ASCC3: variants seen among roughly 807,000 people sequenced by gnomAD.
The protein encoded by ASCC3 is ASC-1 complex subunit P200.
ASCC3 carries 158 observed loss-of-function variants against 256.3 expected under a neutral mutation model. The observed-to-expected ratio is 0.62, with a 90% CI of 0.54 to 0.70. The LOEUF (loss-of-function observed/expected upper bound fraction) is 0.70, where lower values mean the gene tolerates loss of function less well. Among genes scored for constraint, ASCC3 ranks in the 30% least tolerant of loss-of-function variants. The pLI is 0.00. For missense variants in ASCC3, 2,259 were observed against 2,626.0 expected (o/e 0.86, Z 3.05); for synonymous variants, 948 against 883.4 (o/e 1.07, Z -1.30).
At chr6:100,856,805 C>T (rs1261004864) in intron 3 of ASCC3, 1 of 152,138 alleles carries the variant, frequency 6.6e-6, no homozygotes, top group African/African-American at 2.4e-5. Flanking sequence ...TCCGTTACTG[C>T]TATAAGGCAG....
chr6:100,649,869 G>A (rs1378326005), intron 20 of ASCC3, among the ~76,000 whole-genome samples: 2 of 150,828 alleles, frequency 1.3e-5, no homozygotes, highest in Non-Finnish European at 3.0e-5. Context: ...GGATAAATAG[G>A]GTAAAATATA....
chr6:100,877,770 G>C (rs1046699643), intron 1 of ASCC3, among the ~76,000 whole-genome samples: 1 of 152,216 alleles, frequency 6.6e-6, no homozygotes, highest in African/African-American at 2.4e-5. Context: ...CTGCTCCAGA[G>C]TGAATGGGGG....
At chr6:100,731,884 G>A (rs755313848) in intron 10 of ASCC3, among the ~76,000 whole-genome samples, 2 of 152,072 alleles carry the variant, frequency 1.3e-5, no homozygotes, top group South Asian at 2.1e-4. Context: ...ACTGCAGGTC[G>A]GGTGTGGTGG....
At chr6:100,700,869 C>T (rs778719547) in intron 13 of ASCC3, among the ~76,000 whole-genome samples, 15 of 152,150 alleles carry the variant, frequency 9.9e-5, no homozygotes, top group Admixed American at 1.3e-4. Flanking sequence ...CATAGGCAGA[C>T]GGGATTTCCC....
At chr6:100,792,330 G>A (rs1045674972) in intron 8 of ASCC3, among the ~76,000 whole-genome samples, 2 of 151,880 alleles carry the variant, frequency 1.3e-5, no homozygotes, top group Admixed American at 1.3e-4. Flanking sequence ...ACAAGAGGTG[G>A]TAAAATTATG....
chr6:100,511,417 T>TCAAA (rs1294890838), intron 40 of ASCC3, among the ~76,000 whole-genome samples: 3 of 151,942 alleles, frequency 2.0e-5, no homozygotes, highest in Admixed American at 1.3e-4. Flanking sequence ...AAATTCCATC[T>TCAAA]CAAACAAACA....
At chr6:100,688,105 CAA>C (rs1040295335) in intron 13 of ASCC3, among the ~76,000 whole-genome samples, 2 of 150,822 alleles carry the variant, frequency 1.3e-5, no homozygotes, top group Non-Finnish European at 3.0e-5. Flanking sequence ...TGGTTTAAAA[CAA>C]TATTGATTTT....
chr6:100,877,840 G>A (rs1769060111), intron 1 of ASCC3, among the ~76,000 whole-genome samples: 1 of 152,198 alleles, frequency 6.6e-6, no homozygotes, highest in Admixed American at 6.5e-5. Flanking sequence ...ATCTCAAAAT[G>A]TGAGCATCTT....
intron 13 of ASCC3, among the ~76,000 whole-genome samples, chr6:100,694,711 T>C (rs1373456661): frequency 6.6e-6 from 1 of 152,132 alleles, no homozygotes; most frequent in Non-Finnish European, 1.5e-5. Flanking sequence ...ATCTTCAAAG[T>C]AAATTGTATA....
chr6:100,728,971 G>A (rs911071668), intron 10 of ASCC3, among the ~76,000 whole-genome samples: 6 of 152,266 alleles, frequency 3.9e-5, no homozygotes, highest in African/African-American at 1.2e-4. Flanking sequence ...AGAAGGCAGT[G>A]AAGAGAAAGC....
At chr6:100,680,351 G>GA (rs960174693) in intron 13 of ASCC3, among the ~76,000 whole-genome samples, 5 of 152,176 alleles carry the variant, frequency 3.3e-5, no homozygotes, top group African/African-American at 7.2e-5. Flanking sequence ...AAGAAGTGGG[G>GA]AAAAAATGCA....
At chr6:100,705,077 T>C (rs1244935743) in intron 13 of ASCC3, among the ~76,000 whole-genome samples, 4 of 152,070 alleles carry the variant, frequency 2.6e-5, no homozygotes, top group African/African-American at 9.7e-5. Context: ...GTCTCATTAG[T>C]TTGAGCAGAT....
At chr6:100,862,994 A>G (rs562863311) in intron 3 of ASCC3, among the ~76,000 whole-genome samples, 49 of 152,320 alleles carry the variant, frequency 3.2e-4, no homozygotes, top group African/African-American at 1.1e-3. Context: ...GAAGTTGAAG[A>G]CAGACGTGTT....
chr6:100,624,956 T>C (rs1026458586), intron 30 of ASCC3, among the ~76,000 whole-genome samples: 1 of 151,944 alleles, frequency 6.6e-6, no homozygotes, highest in Non-Finnish European at 1.5e-5. Context: ...AATGATTGAA[T>C]GTTACAATAT....
chr6:100,833,451 G>A (rs1203710138), intron 4 of ASCC3, among the ~76,000 whole-genome samples: 1 of 152,032 alleles, frequency 6.6e-6, no homozygotes, highest in Non-Finnish European at 1.5e-5. Context: ...GTAATCTTAC[G>A]GTAAACTATG....
chr6:100,801,295 T>A (rs1466547328), intron 5 of ASCC3, among the ~76,000 whole-genome samples: 1 of 152,098 alleles, frequency 6.6e-6, no homozygotes, highest in Non-Finnish European at 1.5e-5. Flanking sequence ...TCCAAGTCAA[T>A]AAACATTTAC....
chr6:100,847,431 T>C (rs1027676270), intron 4 of ASCC3, among the ~76,000 whole-genome samples: 2 of 152,186 alleles, frequency 1.3e-5, no homozygotes, highest in Non-Finnish European at 2.9e-5. Flanking sequence ...CTAATGTTAG[T>C]TGGCATAACA....
intron 8 of ASCC3, among the ~76,000 whole-genome samples, chr6:100,770,843 T>C (rs1307391321): frequency 8.5e-5 from 2 of 23,632 alleles, no homozygotes; most frequent in Non-Finnish European, 1.6e-4. Flanking sequence ...TTAAGATGTC[T>C]TTTTTTTTTT....
intron 10 of ASCC3, among the ~76,000 whole-genome samples, chr6:100,758,433 C>T (rs1450959365): frequency 6.6e-6 from 1 of 152,054 alleles, no homozygotes; most frequent in Non-Finnish European, 1.5e-5. Flanking sequence ...TGTGTTCTCC[C>T]TGTGTCCATG....
Sources: gnomAD v4.1 joint callset for allele counts (sites outside exome capture counted in the v4.1 genomes callset) on GRCh38, gnomAD v4.1.1 for gene constraint, MANE v1.5 for transcripts, NCBI Gene and HGNC (gene_info 2026-07-23, HGNC 2026-07-21) for gene names.